NFATC3: variants seen among roughly 807,000 people sequenced by gnomAD.
NFATC3 encodes nuclear factor of activated T-cells, cytoplasmic 3.
A neutral mutation model predicts 98.6 loss-of-function variants in NFATC3; 46 were observed. That is an observed-to-expected ratio of 0.47 (90% CI 0.37 to 0.60). The LOEUF is 0.60. Among genes scored for constraint, NFATC3 ranks in the 20% least tolerant of loss-of-function variants. The pLI, the probability that NFATC3 is intolerant of heterozygous loss-of-function variation, is 0.00. For synonymous variants in NFATC3, 512 were observed against 472.2 expected (o/e 1.08, Z -1.09); for missense variants, 1,256 against 1,295.5 (o/e 0.97, Z 0.47).
Position 68,098,952 on chromosome 16 carries a change from G to GT in NFATC3, c.103+13171dup, listed in dbSNP as rs574273569. Among the ~76,000 whole-genome samples the GT allele has an allele frequency of 1.8e-4, 27 of 152,262 alleles. No homozygotes were observed. In the South Asian group the frequency reaches 4.8e-3, roughly 27 times the overall value. ...AGAGGTTCTGGGTACCCTTTACTCA[G>GT]TTTCTCCCAACGATAACATCTTGCA... On this transcript the variant is annotated intron_variant, in intron 1 of 9. Coordinates refer to ENST00000346183, the MANE Select transcript of NFATC3 (RefSeq NM_173165.3).
chr16:68,166,911 T>C lies in NFATC3; in HGVS notation c.1670T>C (p.Ile557Thr). Reference protein sequence around the residue: ...DIELRKGETDIGRKNTRVRLV... With the variant: ...DIELRKGETDTGRKNTRVRLV... ...GAACTTCGAAAAGGAGAAACTGATATTGGCAGAAAGAATACTAGAGTACGA... is the reference window on the plus strand; with the variant it reads ...GAACTTCGAAAAGGAGAAACTGATACTGGCAGAAAGAATACTAGAGTACGA... The change falls in exon 5 of 10, where the codon ATT becomes ACT. Residue 557 changes from isoleucine (I) to threonine (T), a missense_variant. This residue lies in a region of NFATC3 where 156 missense variants were observed against 212.4 expected (regional missense o/e 0.73). Coordinates refer to ENST00000346183, the MANE Select transcript of NFATC3 (RefSeq NM_173165.3). The C allele has an allele frequency of 1.2e-6, 2 of 1,614,186 alleles. No homozygotes were observed. The highest frequency in any genetic ancestry group is 1.1e-5 in the South Asian group (1 of 91,084).
At chr16:68,115,128 A>G (rs867517425) in intron 1 of NFATC3, among the ~76,000 whole-genome samples, 4 of 151,724 alleles carry the variant, frequency 2.6e-5, no homozygotes, top group Non-Finnish European at 4.4e-5. Flanking sequence ...CAGTGGTGCA[A>G]TCTCAGCTCA....
chr16:68,158,496 T>C (rs1322318366), intron 4 of NFATC3, among the ~76,000 whole-genome samples: 1 of 152,252 alleles, frequency 6.6e-6, no homozygotes, highest in South Asian at 2.1e-4. Flanking sequence ...GAGAATGCAA[T>C]AGAGTTTTGT....
At chr16:68,152,899 ATCACT>A (rs1235716902) in intron 3 of NFATC3, among the ~76,000 whole-genome samples, 1 of 152,230 alleles carries the variant, frequency 6.6e-6, no homozygotes, top group Non-Finnish European at 1.5e-5. Context: ...TGGCACTCTC[ATCACT>A]TCACACTACC....
chr16:68,153,299 G>A (rs2038436373), intron 3 of NFATC3, among the ~76,000 whole-genome samples: 3 of 152,122 alleles, frequency 2.0e-5, no homozygotes, highest in Admixed American at 2.0e-4. Flanking sequence ...GTGCACACCT[G>A]TAGTCCCAGC....
intron 3 of NFATC3, among the ~76,000 whole-genome samples, chr16:68,157,329 T>C (rs1172459549): frequency 1.3e-5 from 2 of 152,170 alleles, no homozygotes; most frequent in African/African-American, 4.8e-5. Flanking sequence ...CTTGTCTCCC[T>C]GTGGTTGGTG....
chr16:68,196,979 G>A (rs1304407176), intron 9 of NFATC3, among the ~76,000 whole-genome samples: 7 of 152,166 alleles, frequency 4.6e-5, no homozygotes, highest in East Asian at 1.9e-4. Context: ...GCGGTGAGCC[G>A]AGATTGCGCC....
chr16:68,106,323 A>T, intron 1 of NFATC3, among the ~76,000 whole-genome samples: 2 of 139,822 alleles, frequency 1.4e-5, no homozygotes, highest in African/African-American at 2.7e-5. Context: ...ATGGAGTTTC[A>T]CTCTAGTTGC....
At chr16:68,155,969 A>G (rs1226783075) in intron 3 of NFATC3, among the ~76,000 whole-genome samples, 4 of 152,314 alleles carry the variant, frequency 2.6e-5, no homozygotes, top group East Asian at 3.9e-4. Flanking sequence ...TGGATTCCGT[A>G]TACATGAAGA....
At chr16:68,089,713 A>G (rs753751917) in intron 1 of NFATC3, among the ~76,000 whole-genome samples, 2 of 152,170 alleles carry the variant, frequency 1.3e-5, no homozygotes, top group African/African-American at 2.4e-5. Flanking sequence ...TTCCATTAAC[A>G]TTGTTTGCCA....
chr16:68,099,288 A>G (rs2035211280), intron 1 of NFATC3, among the ~76,000 whole-genome samples: 1 of 151,954 alleles, frequency 6.6e-6, no homozygotes, highest in Admixed American at 6.5e-5. Context: ...ACAAAAAATT[A>G]GCCGGCTGTG....
At chr16:68,116,968 C>G (rs2036311646) in intron 1 of NFATC3, among the ~76,000 whole-genome samples, 1 of 152,124 alleles carries the variant, frequency 6.6e-6, no homozygotes, top group African/African-American at 2.4e-5. Flanking sequence ...TATATATACC[C>G]TTTGAACTGT....
chr16:68,223,504 G>A lies in NFATC3; in HGVS notation c.3107-2846G>A, dbSNP rs562425167. Among the ~76,000 whole-genome samples, 9 of 152,306 alleles carry A rather than the reference G, an allele frequency of 5.9e-5. No individual in the cohort carries two copies. The East Asian group carries it at 1.7e-3, about 29-fold the overall frequency. Reference sequence around the variant, plus strand: ...TTTTATACCAACCAAATACTTTGGAGGCTAAGGTGGGAGAATGGCTTGAGC... The same window carrying A: ...TTTTATACCAACCAAATACTTTGGAAGCTAAGGTGGGAGAATGGCTTGAGC... On this transcript the variant is annotated intron_variant, in intron 9 of 9. Transcript: ENST00000346183.
At chr16:68,162,120 C>T (rs1306016738) in intron 4 of NFATC3, among the ~76,000 whole-genome samples, 1 of 152,200 alleles carries the variant, frequency 6.6e-6, no homozygotes, top group Non-Finnish European at 1.5e-5. Flanking sequence ...ATACCTAAAA[C>T]TTCTTGACCA....
chr16:68,151,834 C>A (rs1162484858), intron 3 of NFATC3, among the ~76,000 whole-genome samples: 4 of 152,052 alleles, frequency 2.6e-5, no homozygotes, highest in Non-Finnish European at 5.9e-5. Context: ...TTTGGGAGGC[C>A]GAGGCAGGTG....
chr16:68,179,320 T>C (rs1300855917), intron 6 of NFATC3, among the ~76,000 whole-genome samples: 1 of 152,228 alleles, frequency 6.6e-6, no homozygotes, highest in East Asian at 1.9e-4. Flanking sequence ...TTGCCTTTCA[T>C]CCACAGGCTG....
intron 9 of NFATC3, chr16:68,192,327 A>G (rs1015538318): frequency 2.8e-5 from 4 of 141,332 alleles, no homozygotes; most frequent in African/African-American, 1.1e-4. Flanking sequence ...GTGTATATAT[A>G]TATATAGAGA....
Position 68,226,345 on chromosome 16 carries a change from T to C in NFATC3, c.3107-5T>C. 1 of 1,572,314 alleles carries C rather than the reference T, an allele frequency of 6.4e-7. No individual in the cohort carries two copies. The highest frequency in any genetic ancestry group is 2.4e-5 in the East Asian group (1 of 40,996). On this transcript the variant is annotated splice_region_variant and splice_polypyrimidine_tract_variant and intron_variant, in intron 9 of 9. Transcript: ENST00000346183. ...CTAATCACTCTCCCTTTTCTTGTTT[T>C]TCAGTGAACGAGATAATTGGGAGAG...
intron 3 of NFATC3, among the ~76,000 whole-genome samples, chr16:68,148,482 C>T (rs1306848005): frequency 6.6e-6 from 1 of 151,946 alleles, no homozygotes; most frequent in Non-Finnish European, 1.5e-5. Flanking sequence ...AAAATATTTA[C>T]AGAAAATGGA....
Sources: allele counts gnomAD v4.1 joint callset (sites outside exome capture counted in the v4.1 genomes callset), GRCh38; gene constraint gnomAD v4.1.1; regional missense constraint gnomAD v4.1.1; transcripts MANE v1.5; gene names NCBI Gene and HGNC (gene_info 2026-07-23, HGNC 2026-07-21).